The following TGIF2 variants were observed in gnomAD, a reference collection of about 807,000 sequenced individuals.
The protein encoded by TGIF2 is homeobox protein TGIF2.
A neutral mutation model predicts 15.1 loss-of-function variants in TGIF2; 5 were observed. That is an observed-to-expected ratio of 0.33 (90% CI 0.17 to 0.70). The LOEUF is 0.70. TGIF2 is among the 30% of genes least tolerant of loss of function. The pLI is 0.67. For missense variants in TGIF2, 264 were observed against 302.5 expected (o/e 0.87, Z 0.94); for synonymous variants, 131 against 128.9 (o/e 1.02, Z -0.11).
intron 1 of TGIF2, among the ~76,000 whole-genome samples, chr20:36,578,352 G>C (rs1378898475): frequency 6.6e-6 from 1 of 151,268 alleles, no homozygotes; most frequent in Admixed American, 6.6e-5. Flanking sequence ...GACAGAAGTT[G>C]AAGTGAGCCA....
At chr20:36,590,783 T>G in intron 2 of TGIF2, 127 bp from the exon 3 acceptor site, 1 of 1,049,468 alleles carries the variant, frequency 9.5e-7, no homozygotes, top group Non-Finnish European at 1.3e-6. Flanking sequence ...GGTCTTGAAC[T>G]CCTGGGCTTA....
chr20:36,587,333 T>A (rs1210189437), intron 2 of TGIF2, among the ~76,000 whole-genome samples: 1 of 152,002 alleles, frequency 6.6e-6, no homozygotes, highest in Non-Finnish European at 1.5e-5. Flanking sequence ...TCAGCCAAAG[T>A]GGGAAGTGCC....
chr20:36,579,600 G>A (rs529832120), intron 2 of TGIF2, among the ~76,000 whole-genome samples: 5 of 152,304 alleles, frequency 3.3e-5, no homozygotes, highest in Middle Eastern at 3.4e-3. Context: ...CAGCCCCAAC[G>A]CAGTATTGGA....
chr20:36,591,115 C>A lies in TGIF2; in HGVS notation c.398C>A (p.Pro133Gln). The change falls in exon 3 of 3, where the codon CCG (proline) becomes CAG (glutamine). Residue 133 changes from proline (P) to glutamine (Q), a missense_variant. Physicochemically the swap from Pro to Gln is moderately conservative, Grantham distance 76 (BLOSUM62 -1). Coordinates refer to ENST00000373872, the MANE Select transcript of TGIF2 (RefSeq NM_021809.7). This position sits in a 1 kb window ranked among gnomAD's most constrained non-coding sequence, Gnocchi z 5.3. ...NVLSLSVCSM[P>Q]LHSGQGEKPA... ...CTCTCCCTGTCTGTGTGCTCCATGC[C>A]GCTTCACTCAGGCCAGGGGGAAAAG... The A allele has an allele frequency of 6.2e-7, 1 of 1,610,954 alleles. No homozygotes were observed. The highest frequency in any genetic ancestry group is 8.5e-7 in the Non-Finnish European group (1 of 1,177,634).
At chr20:36,583,908 G>GAA (rs1042812918) in intron 2 of TGIF2, among the ~76,000 whole-genome samples, 1 of 150,176 alleles carries the variant, frequency 6.7e-6, no homozygotes, top group Non-Finnish European at 1.5e-5. Context: ...AAAAAGAAAA[G>GAA]AAAAAAAAAC....
intron 1 of TGIF2, among the ~76,000 whole-genome samples, chr20:36,575,692 G>A (rs1247744152): frequency 1.3e-5 from 2 of 152,144 alleles, no homozygotes; most frequent in South Asian, 2.1e-4. Context: ...ACAAAACCTG[G>A]GAGATGCCAG....
At chr20:36,574,106 T>C (rs1211099845) in intron 1 of TGIF2, among the ~76,000 whole-genome samples, 2 of 149,216 alleles carry the variant, frequency 1.3e-5, no homozygotes, top group Non-Finnish European at 3.0e-5. Flanking sequence ...TGCACGTTGC[T>C]AACCGCCAGC....
At chr20:36,580,002 C>A (rs2038511503) in intron 2 of TGIF2, among the ~76,000 whole-genome samples, 1 of 152,178 alleles carries the variant, frequency 6.6e-6, no homozygotes, top group Admixed American at 6.6e-5. Flanking sequence ...TGCTTTGCCT[C>A]CAGTTTGCCT....
intron 2 of TGIF2, among the ~76,000 whole-genome samples, chr20:36,579,174 A>T (rs1214558808): frequency 2.0e-5 from 3 of 151,988 alleles, no homozygotes; most frequent in Non-Finnish European, 4.4e-5. Context: ...CAGACTTTAG[A>T]TAGTCCTTTT....
At chr20:36,585,070 G>A (rs1443776171) in intron 2 of TGIF2, among the ~76,000 whole-genome samples, 1 of 152,042 alleles carries the variant, frequency 6.6e-6, no homozygotes, top group Non-Finnish European at 1.5e-5. Flanking sequence ...GGTGGCGCAT[G>A]CTTGTACTCC....
At chr20:36,586,513 G>T (rs1000556837) in intron 2 of TGIF2, among the ~76,000 whole-genome samples, 1 of 152,148 alleles carries the variant, frequency 6.6e-6, no homozygotes, top group African/African-American at 2.4e-5. Context: ...TGGCCAACAC[G>T]GTGAAACCCT....
In TGIF2 at chr20:36,591,130, A is replaced by G. The variant is rs766163642; in HGVS notation, c.413A>G (p.Gln138Arg). The G allele has an allele frequency of 1.9e-6, 3 of 1,613,618 alleles. No individual in the cohort carries two copies. Among genetic ancestry groups the G allele is most frequent in the South Asian group, 1.1e-5 (1 of 91,036 alleles). ...SVCSMPLHSGQGEKPAAPFPR... is the reference protein window; with the variant it reads ...SVCSMPLHSGRGEKPAAPFPR... ...TGCTCCATGCCGCTTCACTCAGGCC[A>G]GGGGGAAAAGCCAGCAGCCCCTTTC... The change falls in exon 3 of 3, where the codon CAG (glutamine) becomes CGG (arginine). Residue 138 changes from glutamine to arginine, a missense_variant. By Grantham distance (43) the Gln-to-Arg change is conservative (BLOSUM62 1). Coordinates refer to ENST00000373872, the MANE Select transcript of TGIF2 (RefSeq NM_021809.7). This position sits in a 1 kb window ranked among gnomAD's most constrained non-coding sequence, Gnocchi z 5.3.
intron 2 of TGIF2, among the ~76,000 whole-genome samples, chr20:36,583,500 C>T (rs998279973): frequency 2.0e-5 from 3 of 151,666 alleles, no homozygotes; most frequent in Admixed American, 1.3e-4. Context: ...GTGGCTTATG[C>T]CTGTAATCCC....
At chr20:36,583,007 G>A (rs941752455) in intron 2 of TGIF2, among the ~76,000 whole-genome samples, 1 of 152,150 alleles carries the variant, frequency 6.6e-6, no homozygotes, top group African/African-American at 2.4e-5. Context: ...CAGGCATGGT[G>A]GTTCGTGCCT....
At chr20:36,582,161 C>T (rs1054531936) in intron 2 of TGIF2, among the ~76,000 whole-genome samples, 4 of 151,912 alleles carry the variant, frequency 2.6e-5, no homozygotes, top group African/African-American at 4.8e-5. Flanking sequence ...CTTTTGAACC[C>T]GGGAGGCGGA....
In TGIF2 at chr20:36,591,073, C is replaced by G; in HGVS notation, c.356C>G (p.Pro119Arg). The change falls in exon 3 of 3, where the codon CCA (proline) becomes CGA (arginine). Residue 119 changes from proline to arginine, a missense_variant. Pro to Arg is a moderately radical substitution (Grantham distance 103, BLOSUM62 -2). Transcript: ENST00000373872. The surrounding 1 kb of genome is among the most constrained non-coding windows in gnomAD (Gnocchi z 5.3). ...SSPSVLAVSV[P>R]APTNVLSLSV... is the part of the protein sequence containing the mutation. ...CCCTCAGTGCTGGCTGTGTCTGTCC[C>G]AGCCCCCACCAATGTGCTCTCCCTG... 1 of 1,597,418 alleles carries G rather than the reference C, an allele frequency of 6.3e-7. No homozygotes were observed. Among genetic ancestry groups the G allele is most frequent in the South Asian group, 1.1e-5 (1 of 90,042 alleles).
At chr20:36,573,553 GGAGGGCGCA>G (rs1191465106), upstream of TGIF2, 1 of 151,728 alleles carries the variant, frequency 6.6e-6, no homozygotes, top group African/African-American at 2.4e-5. Context: ...GGCGGGTGGG[GGAGGGCGCA>G]GAGGGCGCGG....
chr20:36,577,430 C>T (rs1156502214), intron 1 of TGIF2, among the ~76,000 whole-genome samples: 4 of 150,464 alleles, frequency 2.7e-5, no homozygotes, highest in South Asian at 2.1e-4. Context: ...AGGCTGGTCT[C>T]GAACTCCTGA....
In TGIF2 at chr20:36,580,307, C is replaced by T. The variant is rs148439248; in HGVS notation, c.192+1341C>T. ...AGAACTCCTGTCACCTGACTTTATA[C>T]TCTGGGCAATGGTTAATCCAAGTCT... On this transcript the variant is annotated intron_variant, in intron 2 of 2. Transcript: ENST00000373872. Among the ~76,000 whole-genome samples the T allele has an allele frequency of 4.6e-5, 7 of 152,282 alleles. No individual in the cohort carries two copies. In the East Asian group the frequency reaches 1.2e-3, roughly 25 times the overall value.
Sources: gnomAD v4.1 joint callset for allele counts (sites outside exome capture counted in the v4.1 genomes callset) on GRCh38, gnomAD v4.1.1 for gene constraint, Gnocchi (gnomAD v3.1) non-coding constraint, MANE v1.5 for transcripts, NCBI Gene and HGNC (gene_info 2026-07-23, HGNC 2026-07-21) for gene names.